The following PLXNA2 variants were observed in gnomAD, a reference collection of about 807,000 sequenced individuals.
PLXNA2 encodes the protein plexin A2, also known as plexin-A2.
PLXNA2 carries 91 observed loss-of-function variants against 193.5 expected under a neutral mutation model. That is an observed-to-expected ratio of 0.47 (90% CI 0.40 to 0.56). PLXNA2 has a LOEUF of 0.56. PLXNA2 is among the 20% of genes least tolerant of loss of function. The pLI is 0.00. For missense variants in PLXNA2, 1,995 were observed against 2,503.2 expected (o/e 0.80, Z 4.33); for synonymous variants, 997 against 1,027.3 (o/e 0.97, Z 0.56).
At chr1:208,153,675 G>T (rs1440794578) in intron 3 of PLXNA2, among the ~76,000 whole-genome samples, 1 of 152,226 alleles carries the variant, frequency 6.6e-6, no homozygotes, top group Non-Finnish European at 1.5e-5. Context: ...AAGAATTGAG[G>T]TTACGAAGAT....
At position 208,217,083 on chromosome 1, in the gene PLXNA2, G is replaced by A. The variant is rs201134624; in HGVS notation, c.840C>T (p.Ile280=). The change falls in exon 2 of 32, where the codon ATC becomes ATT. Residue 280 remains isoleucine, a synonymous_variant. Coordinates refer to ENST00000367033, the MANE Select transcript of PLXNA2 (RefSeq NM_025179.4). This position sits in a 1 kb window ranked among gnomAD's most constrained non-coding sequence, Gnocchi z 4.7. ...SAGDLFYTSR[I]VRLCKDDPKF... ...TGGGGTCATCCTTGCAGAGCCGCACGATGCGTGAGGTGTAGAAGAGGTCTC... is the reference window on the plus strand; with the variant it reads ...TGGGGTCATCCTTGCAGAGCCGCACAATGCGTGAGGTGTAGAAGAGGTCTC... 5.6e-6 allele frequency: 9 copies of A among 1,614,028 alleles called. No homozygotes were observed. The highest frequency in any genetic ancestry group is 4.0e-5 in the African/African-American group (3 of 74,938).
At chr1:208,196,316 T>C (rs1050205345) in intron 3 of PLXNA2, among the ~76,000 whole-genome samples, 2 of 152,154 alleles carry the variant, frequency 1.3e-5, no homozygotes, top group African/African-American at 4.8e-5. Flanking sequence ...AAACACACTG[T>C]TTCCTAGGGT....
At chr1:208,139,271 G>A (rs1006758799) in intron 4 of PLXNA2, among the ~76,000 whole-genome samples, 1 of 152,122 alleles carries the variant, frequency 6.6e-6, no homozygotes, top group Non-Finnish European at 1.5e-5. Context: ...CTGAGAAGTT[G>A]AGGGCCCAGG....
At chr1:208,216,468 G>A (rs1444531179) in intron 2 of PLXNA2, among the ~76,000 whole-genome samples, 1 of 152,226 alleles carries the variant, frequency 6.6e-6, no homozygotes, top group Admixed American at 6.5e-5. Context: ...GTTCACAGCT[G>A]AAGCCTGCAG....
chr1:208,165,658 T>G (rs1669279437), intron 3 of PLXNA2, among the ~76,000 whole-genome samples: 1 of 152,196 alleles, frequency 6.6e-6, no homozygotes, highest in Admixed American at 6.5e-5. Flanking sequence ...CTATGTGGTC[T>G]GGGGCTGGTC....
chr1:208,079,555 G>A, intron 11 of PLXNA2, 105 bp from the exon 12 acceptor site: 2 of 774,600 alleles, frequency 2.6e-6, no homozygotes, highest in Non-Finnish European at 4.1e-6. Flanking sequence ...TCCCCACCAT[G>A]GATAACACCA....
rs772097656 is a variant in PLXNA2 at position 208,217,088 on chromosome 1, G to A, written c.835C>T (p.Arg279Cys). The change falls in exon 2 of 32, where the codon CGC (arginine) becomes TGC (cysteine). Residue 279 changes from arginine to cysteine, a missense_variant. Physicochemically the swap from Arg to Cys is radical, Grantham distance 180 (BLOSUM62 -3). Transcript: ENST00000367033. The surrounding 1 kb of genome is among the most constrained non-coding windows in gnomAD (Gnocchi z 4.7). The stretch of plus-strand genomic sequence containing the variant: ...TCATCCTTGCAGAGCCGCACGATGC[G>A]TGAGGTGTAGAAGAGGTCTCCAGCG... ...NSAGDLFYTS[R>C]IVRLCKDDPK... 15 of 1,614,186 alleles carry A rather than the reference G, an allele frequency of 9.3e-6. No homozygotes were observed. The South Asian group carries it at 1.1e-4, about 12-fold the overall frequency.
intron 12 of PLXNA2, among the ~76,000 whole-genome samples, chr1:208,073,987 T>TTCAGGTTGTTTAAGCCAAATAC (rs1666057937): frequency 6.6e-6 from 1 of 152,180 alleles, no homozygotes; most frequent in African/African-American, 2.4e-5. Context: ...CCTCCAAATA[T>TTCAGGTTGTTTAAGCCAAATAC]ATTCAGGTTG....
At chr1:208,198,598 G>A (rs928673914) in intron 3 of PLXNA2, among the ~76,000 whole-genome samples, 1 of 152,210 alleles carries the variant, frequency 6.6e-6, no homozygotes, top group African/African-American at 2.4e-5. Context: ...GAGGCCTGAG[G>A]AGAGGGACAC....
Position 208,050,682 on chromosome 1 carries a change from A to G in PLXNA2, c.3255+327T>C, listed in dbSNP as rs543380337. Reference sequence around the variant, plus strand: ...ACCTCATCTCTAAAATAATAATAATAATAAACTAGCCAAGCATGCGCCTGT... The same window carrying G: ...ACCTCATCTCTAAAATAATAATAATGATAAACTAGCCAAGCATGCGCCTGT... On this transcript the variant is annotated intron_variant, in intron 17 of 31. Transcript: ENST00000367033. Among the ~76,000 whole-genome samples the G allele has an allele frequency of 2.1e-4, 32 of 152,076 alleles. 1 individual carries two copies. Among genetic ancestry groups the G allele is most frequent in the Admixed American group, 3.9e-4 (6 of 15,282 alleles).
chr1:208,202,348 T>C (rs1670578583), intron 3 of PLXNA2, among the ~76,000 whole-genome samples: 1 of 152,204 alleles, frequency 6.6e-6, no homozygotes, highest in South Asian at 2.1e-4. Context: ...CAGTACATAT[T>C]CAATAAATAT....
rs541607294 is a variant in PLXNA2 at position 208,189,907 on chromosome 1, T to A, written c.1371+20373A>T. On this transcript the variant is annotated intron_variant, in intron 3 of 31. Transcript: ENST00000367033. The stretch of plus-strand genomic sequence containing the variant: ...AAGCTGGAGGTTGGCAGAGAGAAGA[T>A]CTTTATGAAGACATTTCAGGAGCAG... Among the ~76,000 whole-genome samples, 381 of 152,216 alleles carry A rather than the reference T, an allele frequency of 2.5e-3. 2 individuals carry two copies. The highest frequency in any genetic ancestry group is 4.3e-3 in the Non-Finnish European group (295 of 68,004).
At chr1:208,111,893 A>T (rs920800787) in intron 4 of PLXNA2, among the ~76,000 whole-genome samples, 3 of 152,172 alleles carry the variant, frequency 2.0e-5, no homozygotes, top group Non-Finnish European at 4.4e-5. Context: ...CCCCAGAAAA[A>T]CAGCTGGAGG....
intron 17 of PLXNA2, 35 bp from the exon 18 acceptor site, chr1:208,046,152 G>C (rs1459554363): frequency 3.1e-6 from 5 of 1,598,616 alleles, no homozygotes. Flanking sequence ...CACACACGGA[G>C]TGCCTGGCAC....
Position 208,033,528 on chromosome 1 carries a change from T to G in PLXNA2, c.4865-19A>C, listed in dbSNP as rs762136076. 3.2e-6 allele frequency: 5 copies of G among 1,579,884 alleles called. No homozygotes were observed. The highest frequency in any genetic ancestry group is 4.3e-6 in the Non-Finnish European group (5 of 1,157,762). The stretch of plus-strand genomic sequence containing the variant: ...GAGGAGTCTGAGGAGAAGGGGTTGG[T>G]GGAGGGCTGTGAGTAACAGTCACCA... On this transcript the variant is annotated intron_variant, in intron 27 of 31. Transcript: ENST00000367033.
chr1:208,073,552 G>T (rs1177901305), intron 12 of PLXNA2, among the ~76,000 whole-genome samples: 1 of 152,192 alleles, frequency 6.6e-6, no homozygotes, highest in Non-Finnish European at 1.5e-5. Context: ...TTTAATGAGT[G>T]AATTAACATA....
intron 12 of PLXNA2, among the ~76,000 whole-genome samples, chr1:208,078,311 T>C (rs1318766818): frequency 6.6e-6 from 1 of 152,222 alleles, no homozygotes; most frequent in African/African-American, 2.4e-5. Flanking sequence ...TTAAAACTGA[T>C]CTGGGGTTTT....
chr1:208,175,675 C>T (rs1175865901), intron 3 of PLXNA2, among the ~76,000 whole-genome samples: 1 of 152,166 alleles, frequency 6.6e-6, no homozygotes, highest in Non-Finnish European at 1.5e-5. Flanking sequence ...CAGCTGTCTC[C>T]ACAACAGGAA....
chr1:208,215,174 T>C (rs1020223316), intron 2 of PLXNA2, among the ~76,000 whole-genome samples: 1 of 152,158 alleles, frequency 6.6e-6, no homozygotes, highest in African/African-American at 2.4e-5. Flanking sequence ...TTTTGGAATT[T>C]TTGTAGAGAC....
Sources: allele counts gnomAD v4.1 joint callset (sites outside exome capture counted in the v4.1 genomes callset), GRCh38; gene constraint gnomAD v4.1.1; non-coding constraint Gnocchi (gnomAD v3.1); transcripts MANE v1.5; gene names NCBI Gene and HGNC (gene_info 2026-07-23, HGNC 2026-07-21).